POMGNT2: variants seen among roughly 807,000 people sequenced by gnomAD.
POMGNT2 encodes protein O-linked-mannose beta-1,4-N-acetylglucosaminyltransferase 2.
In POMGNT2, 32 loss-of-function variants were observed where a neutral mutation model predicts 37.8. That is an observed-to-expected ratio of 0.85 (90% CI 0.64 to 1.14). The LOEUF (loss-of-function observed/expected upper bound fraction) is 1.14, where lower values mean the gene tolerates loss of function less well. Ranked by LOEUF, POMGNT2 falls within the 50% of genes most tolerant of loss-of-function variation. POMGNT2 has a pLI of 0.00. For missense variants in POMGNT2, 705 were observed against 780.6 expected (o/e 0.90, Z 1.15); for synonymous variants, 340 against 336.8 (o/e 1.01, Z -0.10).
At chr3:43,088,004 T>C (rs192079159) in intron 1 of POMGNT2, 6 of 152,296 alleles carry the variant, frequency 3.9e-5, no homozygotes, top group Admixed American at 3.9e-4. Context: ...TAGTTGAATT[T>C]TGTGAATGGT....
At chr3:43,103,254 T>C (rs989782436) in intron 1 of POMGNT2, among the ~76,000 whole-genome samples, 6 of 152,158 alleles carry the variant, frequency 3.9e-5, no homozygotes, top group South Asian at 4.1e-4. Flanking sequence ...TGGCAGAATG[T>C]TGGCTCTCAG....
intron 1 of POMGNT2, among the ~76,000 whole-genome samples, chr3:43,101,972 G>C (rs2090022749): frequency 6.6e-6 from 1 of 152,086 alleles, no homozygotes; most frequent in South Asian, 2.1e-4. Context: ...TAAGGATGGA[G>C]TCTGGGTCTA....
intron 1 of POMGNT2, among the ~76,000 whole-genome samples, chr3:43,097,324 G>A (rs2089986885): frequency 6.6e-6 from 1 of 152,160 alleles, no homozygotes; most frequent in African/African-American, 2.4e-5. Flanking sequence ...CAGCCTGGTG[G>A]TACCTATCTG....
intron 1 of POMGNT2, among the ~76,000 whole-genome samples, chr3:43,095,348 T>C (rs1456104192): frequency 6.6e-6 from 1 of 152,218 alleles, no homozygotes; most frequent in African/African-American, 2.4e-5. Flanking sequence ...CAATGGTCAC[T>C]GATGCAAAGG....
At chr3:43,083,634 G>A (rs1045246191) in intron 1 of POMGNT2, among the ~76,000 whole-genome samples, 3 of 152,070 alleles carry the variant, frequency 2.0e-5, no homozygotes, top group African/African-American at 4.8e-5. Context: ...GACATTTTAC[G>A]TTTCGAATAA....
intron 1 of POMGNT2, among the ~76,000 whole-genome samples, chr3:43,103,524 T>C (rs2090034797): frequency 6.6e-6 from 1 of 151,724 alleles, no homozygotes; most frequent in East Asian, 1.9e-4. Flanking sequence ...TCCTAACACC[T>C]CCTCCCCTGA....
Position 43,079,961 on chromosome 3 carries a change from G to A in POMGNT2, c.1471C>T (p.Gln491Ter), listed in dbSNP as rs1366914848. 3.7e-6 allele frequency: 6 copies of A among 1,613,992 alleles called. No individual in the cohort carries two copies. The highest frequency in any genetic ancestry group is 2.2e-5 in the East Asian group (1 of 44,872). Residue 491 changes from glutamine to a stop codon, truncating the protein, a stop_gained, in exon 2 of 2, where the codon CAG (glutamine) becomes TAG (stop). Transcript: ENST00000344697. LOFTEE classifies it high-confidence loss of function. ...YPGKVREARC[Q>*]ASVHGASEAR... ...TCGGAGGCGCCATGCACTGACGCCTGGCACCGTGCCTCCCGCACCTTGCCT... is the reference window on the plus strand; with the variant it reads ...TCGGAGGCGCCATGCACTGACGCCTAGCACCGTGCCTCCCGCACCTTGCCT...
chr3:43,104,565 C>A (rs2090043569), intron 1 of POMGNT2, among the ~76,000 whole-genome samples: 1 of 152,186 alleles, frequency 6.6e-6, no homozygotes, highest in African/African-American at 2.4e-5. Context: ...GTGCTGACCA[C>A]CCCTGGGGAT....
At chr3:43,099,428 T>C (rs1342608375) in intron 1 of POMGNT2, among the ~76,000 whole-genome samples, 1 of 152,196 alleles carries the variant, frequency 6.6e-6, no homozygotes, top group African/African-American at 2.4e-5. Flanking sequence ...CAATTACTCA[T>C]GACTGCTACA....
chr3:43,097,484 A>G (rs1220357525), intron 1 of POMGNT2, among the ~76,000 whole-genome samples: 5 of 150,676 alleles, frequency 3.3e-5, no homozygotes, highest in Admixed American at 6.6e-5. Context: ...GGGAGGGAGG[A>G]GAGGGGCAGG....
rs768917166 is a variant in POMGNT2 at position 43,080,265 on chromosome 3, C to T, written c.1167G>A (p.Gln389=). The change falls in exon 2 of 2, where the codon CAG becomes CAA. Residue 389 remains glutamine (Q), a synonymous_variant. Transcript: ENST00000344697. ...TLAMLPGMDL[Q]YVAWRNMMPE... ...GCATCATGTTCCGCCAGGCTACATACTGGAGGTCCATGCCAGGCAGCATGG... is the reference window on the plus strand; with the variant it reads ...GCATCATGTTCCGCCAGGCTACATATTGGAGGTCCATGCCAGGCAGCATGG... The T allele has an allele frequency of 6.2e-7, 1 of 1,614,222 alleles. No individual in the cohort carries two copies. Among genetic ancestry groups the T allele is most frequent in the South Asian group, 1.1e-5 (1 of 91,088 alleles).
chr3:43,079,622 G>A lies in POMGNT2; in HGVS notation c.*67C>T, dbSNP rs943093393. The A allele has an allele frequency of 2.3e-4, 321 of 1,412,358 alleles. No individual in the cohort carries two copies. The highest frequency in any genetic ancestry group is 3.1e-4 in the Non-Finnish European group (315 of 1,026,228). 87.5% of individuals were successfully genotyped at this position (1,412,358 alleles called of 1,614,324 possible). ...TAGTTCCCAGAAGTCTCCACAGTGG[G>A]ATTAATGGGCCCAGGGACGCTGAAC... On this transcript the variant is annotated 3_prime_UTR_variant, in exon 2 of 2. Transcript: ENST00000344697.
intron 1 of POMGNT2, among the ~76,000 whole-genome samples, chr3:43,085,511 T>C (rs1198395927): frequency 6.6e-6 from 1 of 152,130 alleles, no homozygotes; most frequent in Non-Finnish European, 1.5e-5. Context: ...ACAAGCTCTC[T>C]CTTTGCCTGC....
At position 43,098,207 on chromosome 3, in the gene POMGNT2, T is replaced by C. The variant is rs2125710712; in HGVS notation, c.-106+7629A>G. Among the ~76,000 whole-genome samples, 1 of 152,378 alleles carries C rather than the reference T, an allele frequency of 6.6e-6. No individual in the cohort carries two copies. Among genetic ancestry groups the C allele is most frequent in the East Asian group, 1.9e-4 (1 of 5,190 alleles). On this transcript the variant is annotated intron_variant, in intron 1 of 1. Transcript: ENST00000344697. The surrounding 1 kb of genome is among the most constrained non-coding windows in gnomAD (Gnocchi z 4.3). ...CTTATTTTGTCACTGAAAAGTGTTT[T>C]TGTCCTAAATGCAGCCTGAAGTACT...
At chr3:43,094,351 G>T (rs528020212) in intron 1 of POMGNT2, among the ~76,000 whole-genome samples, 11 of 152,316 alleles carry the variant, frequency 7.2e-5, no homozygotes, top group African/African-American at 2.2e-4. Context: ...AATTCACAAT[G>T]TTGGAGAATA....
chr3:43,095,708 G>C (rs757108607), intron 1 of POMGNT2, among the ~76,000 whole-genome samples: 64 of 152,218 alleles, frequency 4.2e-4, no homozygotes, highest in Non-Finnish European at 8.7e-4. Flanking sequence ...GTGAAGCTTA[G>C]GTCTTAACCT....
At chr3:43,084,954 C>T (rs1345176380) in intron 1 of POMGNT2, among the ~76,000 whole-genome samples, 1 of 149,788 alleles carries the variant, frequency 6.7e-6, no homozygotes, top group Admixed American at 6.7e-5. Context: ...CTTAAATCTT[C>T]TATTTTAGTA....
intron 1 of POMGNT2, among the ~76,000 whole-genome samples, chr3:43,101,512 T>C (rs1347325426): frequency 6.6e-6 from 1 of 152,154 alleles, no homozygotes; most frequent in Non-Finnish European, 1.5e-5. Context: ...ACCTGGGATC[T>C]GAGAAATGCA....
At chr3:43,104,958 C>CACAT (rs915546527) in intron 1 of POMGNT2, among the ~76,000 whole-genome samples, 8 of 152,206 alleles carry the variant, frequency 5.3e-5, no homozygotes, top group Non-Finnish European at 1.0e-4. Context: ...GAAGGCGGGG[C>CACAT]ACATATTGTA....
Sources: allele counts gnomAD v4.1 joint callset (sites outside exome capture counted in the v4.1 genomes callset), GRCh38; gene constraint gnomAD v4.1.1; non-coding constraint Gnocchi (gnomAD v3.1); transcripts MANE v1.5; gene names NCBI Gene and HGNC (gene_info 2026-07-23, HGNC 2026-07-21).